Variants in GPRC6A observed in about 807,000 individuals in gnomAD.
GPRC6A encodes the protein G protein-coupled receptor class C group 6 member A.
In GPRC6A, 54 loss-of-function variants were observed where a neutral mutation model predicts 47.0. The observed-to-expected ratio is 1.15, with a 90% CI of 0.92 to 1.44. The LOEUF is 1.44. Ranked by LOEUF, GPRC6A falls within the 40% of genes most tolerant of loss-of-function variation. The pLI is 0.00. For synonymous variants in GPRC6A, 347 were observed against 377.1 expected (o/e 0.92, Z 0.93); for missense variants, 1,112 against 1,105.5 (o/e 1.01, Z -0.08).
rs35974500 is a variant in GPRC6A, at chr6:116,818,532, TAAAAAAAAAAAAAAAAAAA to T, written c.195-8934_195-8916del. 0.011 allele frequency among the ~76,000 whole-genome samples: 166 copies of T among 15,502 alleles called. 8 individuals carry two copies. In the East Asian group the frequency reaches 0.14, roughly 13 times the overall value. The allele number at this position is 15,502 out of a possible 152,430, so 10.2% of individuals were successfully genotyped here. On this transcript the variant is annotated intron_variant, in intron 1 of 5. Coordinates refer to ENST00000310357, the MANE Select transcript of GPRC6A (RefSeq NM_148963.4). ...CTGGGCGACAGAGCGAGACTCCGTC[TAAAAAAAAAAAAAAAAAAA>T]AAAAAAAAAAAAAAAAAAAGAATTT...
chr6:116,821,713 C>G (rs1484146005), intron 1 of GPRC6A, among the ~76,000 whole-genome samples: 29 of 151,528 alleles, frequency 1.9e-4, no homozygotes, highest in Middle Eastern at 3.4e-3. Flanking sequence ...ATCAATTCAA[C>G]ATGGATTAAA....
At chr6:116,799,202 G>A (rs1182456765) in intron 4 of GPRC6A, among the ~76,000 whole-genome samples, 1 of 152,144 alleles carries the variant, frequency 6.6e-6, no homozygotes, top group Non-Finnish European at 1.5e-5. Context: ...AGGTAGAGAT[G>A]TCAACTAGGC....
chr6:116,811,687 T>C (rs1159409991), intron 1 of GPRC6A, among the ~76,000 whole-genome samples: 1 of 152,140 alleles, frequency 6.6e-6, no homozygotes, highest in African/African-American at 2.4e-5. Flanking sequence ...ACAGAAATTC[T>C]GCAACTGAAC....
At chr6:116,805,703 G>A (rs1772813391) in intron 3 of GPRC6A, among the ~76,000 whole-genome samples, 1 of 152,038 alleles carries the variant, frequency 6.6e-6, no homozygotes, top group African/African-American at 2.4e-5. Context: ...AAGGGAAAAA[G>A]CTCTTTTACA....
chr6:116,825,318 A>T lies in GPRC6A; in HGVS notation c.194+3502T>A, dbSNP rs543603074. 3.3e-5 allele frequency among the ~76,000 whole-genome samples: 5 copies of T among 152,228 alleles called. No individual in the cohort carries two copies. The East Asian group carries it at 7.7e-4, about 23-fold the overall frequency. On this transcript the variant is annotated intron_variant, in intron 1 of 5. Coordinates refer to ENST00000310357, the MANE Select transcript of GPRC6A (RefSeq NM_148963.4). ...ATTGTCCCTCTTTGCAGTTGATATTATCTTATATTTAGAAATACCAAAAGA... is the reference window on the plus strand; with the variant it reads ...ATTGTCCCTCTTTGCAGTTGATATTTTCTTATATTTAGAAATACCAAAAGA...
Position 116,816,446 on chromosome 6 carries a change from T to C in GPRC6A, c.195-6829A>G, listed in dbSNP as rs1310811931. ...TCCATGTCTGACACCCAGGGGATGC[T>C]GGTACAAGCTGAAGCTGAAGTGGCT... On this transcript the variant is annotated intron_variant, in intron 1 of 5. Transcript: ENST00000310357. Among the ~76,000 whole-genome samples, 61 of 152,302 alleles carry C rather than the reference T, an allele frequency of 4.0e-4. 1 individual carries two copies. Among genetic ancestry groups the C allele is most frequent in the Admixed American group, 3.9e-3 (60 of 15,302 alleles).
intron 5 of GPRC6A, among the ~76,000 whole-genome samples, chr6:116,795,168 G>A (rs752967813): frequency 6.6e-5 from 10 of 152,178 alleles, no homozygotes; most frequent in Non-Finnish European, 1.3e-4. Flanking sequence ...TTGGCAAACA[G>A]TCATTTACTA....
At chr6:116,822,588 ATTC>A (rs1012750727) in intron 1 of GPRC6A, among the ~76,000 whole-genome samples, 1 of 143,466 alleles carries the variant, frequency 7.0e-6, no homozygotes, top group Non-Finnish European at 1.5e-5. Context: ...GGAAATCATC[ATTC>A]TCAGTAAACT....
chr6:116,819,395 C>T (rs1318449087), intron 1 of GPRC6A, among the ~76,000 whole-genome samples: 12 of 151,306 alleles, frequency 7.9e-5, no homozygotes, highest in Admixed American at 6.6e-5. Context: ...CCCAAATCAA[C>T]AGAATATACA....
chr6:116,799,315 A>T (rs1358160053), intron 4 of GPRC6A, among the ~76,000 whole-genome samples: 1 of 152,164 alleles, frequency 6.6e-6, no homozygotes, highest in African/African-American at 2.4e-5. Context: ...GGATAAGATC[A>T]CTAAGGAAAG....
chr6:116,826,956 C>T (rs1773698096), intron 1 of GPRC6A, among the ~76,000 whole-genome samples: 4 of 151,900 alleles, frequency 2.6e-5, no homozygotes, highest in Middle Eastern at 3.4e-3. Flanking sequence ...CACAGAAAGA[C>T]GAATATCATA....
intron 4 of GPRC6A, among the ~76,000 whole-genome samples, chr6:116,796,911 T>A (rs1010368337): frequency 6.6e-6 from 1 of 152,154 alleles, no homozygotes; most frequent in Non-Finnish European, 1.5e-5. Flanking sequence ...ACTTTAAGTT[T>A]TAGGGTACAT....
chr6:116,806,675 G>A lies in GPRC6A; in HGVS notation c.1030C>T (p.His344Tyr), dbSNP rs1772851193. Residue 344 changes from histidine to tyrosine, a missense_variant, in exon 3 of 6, where the codon CAC becomes TAC. Physicochemically the swap from His to Tyr is moderately conservative, Grantham distance 83 (BLOSUM62 2). Transcript: ENST00000310357. ...TTGTGACTGTCACTGGGAAGCAAGT[G>A]CAGATTTTGAAGAAAGGAATGGAAA... The part of the protein sequence containing the change: ...SSFHSFLQNL[H>Y]LLPSDSHKLL... 2.5e-6 allele frequency: 4 copies of A among 1,613,326 alleles called. No individual in the cohort carries two copies. The highest frequency in any genetic ancestry group is 2.7e-5 in the African/African-American group (2 of 74,860).
At chr6:116,820,895 A>G (rs1773447679) in intron 1 of GPRC6A, among the ~76,000 whole-genome samples, 1 of 152,048 alleles carries the variant, frequency 6.6e-6, no homozygotes, top group Admixed American at 6.6e-5. Context: ...AGGGTATTCA[A>G]TTAGGAAAAG....
chr6:116,813,031 C>T (rs938995480), intron 1 of GPRC6A, among the ~76,000 whole-genome samples: 9 of 152,038 alleles, frequency 5.9e-5, no homozygotes, highest in African/African-American at 1.9e-4. Context: ...TAATAAAATA[C>T]CTAGGAATCC....
At chr6:116,801,342 T>C (rs529146309) in intron 3 of GPRC6A, among the ~76,000 whole-genome samples, 1 of 152,320 alleles carries the variant, frequency 6.6e-6, no homozygotes, top group South Asian at 2.1e-4. Context: ...GCTTGTATAC[T>C]ATAGAGTTAG....
chr6:116,806,807 T>C lies in GPRC6A; in HGVS notation c.898A>G (p.Ile300Val), dbSNP rs779654035. ...AIEMNINKMW[I>V]ASDNWSTATK... is the part of the protein sequence containing the mutation. ...GCAGTTGACCAATTATCACTAGCAA[T>C]CCACATCTTATTTATATTCATTTCA... The change falls in exon 3 of 6, where the codon ATT becomes GTT. Residue 300 changes from isoleucine (I) to valine (V), a missense_variant. Transcript: ENST00000310357. The C allele has an allele frequency of 5.0e-6, 8 of 1,613,540 alleles. No homozygotes were observed. The highest frequency in any genetic ancestry group is 6.8e-6 in the Non-Finnish European group (8 of 1,179,726).
chr6:116,792,971 A>G lies in GPRC6A; in HGVS notation c.1952T>C (p.Ile651Thr), dbSNP rs539074479. 47 of 1,614,130 alleles carry G rather than the reference A, an allele frequency of 2.9e-5. No homozygotes were observed. The highest frequency in any genetic ancestry group is 6.7e-5 in the East Asian group (3 of 44,884). ...FLNFASTSFFIGEPQDFTCKT... is the reference protein window; with the variant it reads ...FLNFASTSFFTGEPQDFTCKT... ...ACATGTGAAGTCTTGTGGTTCTCCAATGAAAAAGCTCGTGCTGGCAAAATT... is the reference window on the plus strand; with the variant it reads ...ACATGTGAAGTCTTGTGGTTCTCCAGTGAAAAAGCTCGTGCTGGCAAAATT... Residue 651 changes from isoleucine (I) to threonine (T), a missense_variant, in exon 6 of 6, where the codon ATT (isoleucine) becomes ACT (threonine). Ile to Thr is a moderately conservative substitution (Grantham distance 89). Coordinates refer to ENST00000310357, the MANE Select transcript of GPRC6A (RefSeq NM_148963.4).
chr6:116,804,504 T>C (rs1772778608), intron 3 of GPRC6A, among the ~76,000 whole-genome samples: 1 of 152,076 alleles, frequency 6.6e-6, no homozygotes, highest in African/African-American at 2.4e-5. Context: ...GATAACTCTT[T>C]GTATTGTTTG....
Sources: gnomAD v4.1 joint callset for allele counts (sites outside exome capture counted in the v4.1 genomes callset) on GRCh38, gnomAD v4.1.1 for gene constraint, MANE v1.5 for transcripts, NCBI Gene and HGNC (gene_info 2026-07-23, HGNC 2026-07-21) for gene names.